Variants in ARMH1 observed in about 807,000 individuals in gnomAD.
ARMH1 encodes armadillo like helical domain containing 1.
In ARMH1, 34 loss-of-function variants were observed where a neutral mutation model predicts 50.2. That is an observed-to-expected ratio of 0.68 (90% CI 0.51 to 0.90). ARMH1 has a LOEUF of 0.90. Among genes scored for constraint, ARMH1 ranks in the 40% least tolerant of loss-of-function variants. ARMH1 has a pLI of 0.00. For synonymous variants in ARMH1, 221 were observed against 224.2 expected, an observed-to-expected ratio of 0.99 and a Z score of 0.13; for missense variants, 538 against 553.9, an observed-to-expected ratio of 0.97 and a Z score of 0.29.
chr1:44,699,283 CAAAAAAA>C (rs75158327), intron 4 of ARMH1, among the ~76,000 whole-genome samples: 1 of 42,576 alleles, frequency 2.3e-5, no homozygotes, highest in South Asian at 8.6e-4. Context: ...GACTCCGTCT[CAAAAAAA>C]AAAAAAAAAA....
At position 44,725,480 on chromosome 1, in the gene ARMH1, G is replaced by A. The variant is rs1648160650; in HGVS notation, c.*77G>A. ...GCAAGAGGAAGGCGCCTGGGGTCAA[G>A]CTCAGAGCCACTCCACTTGGCTCCA... On this transcript the variant is annotated 3_prime_UTR_variant, in exon 12 of 12. Coordinates refer to ENST00000535358, the MANE Select transcript of ARMH1 (RefSeq NM_001145636.2). 6 of 1,419,774 alleles carry A rather than the reference G, an allele frequency of 4.2e-6. No homozygotes were observed. The highest frequency in any genetic ancestry group is 1.4e-5 in the African/African-American group (1 of 70,184). The allele number at this position is 1,419,774 out of a possible 1,614,324, so 87.9% of individuals were successfully genotyped here. A position where few individuals can be genotyped will look rare whatever the true frequency, so the allele number is the denominator to read the frequency against.
At chr1:44,701,893 A>C (rs1646097798) in intron 5 of ARMH1, among the ~76,000 whole-genome samples, 1 of 150,958 alleles carries the variant, frequency 6.6e-6, no homozygotes. Flanking sequence ...ATGCCACTGT[A>C]CTCCCTGGGC....
chr1:44,712,765 G>A (rs1480224579), intron 6 of ARMH1, among the ~76,000 whole-genome samples: 1 of 150,382 alleles, frequency 6.6e-6, no homozygotes, highest in African/African-American at 2.4e-5. Flanking sequence ...CGAGGTTCAA[G>A]CGATTCTCCT....
At position 44,704,237 on chromosome 1, in the gene ARMH1, TTC is replaced by T. The variant is rs1646235075; in HGVS notation, c.724+68_724+69del. The T allele has an allele frequency of 5.3e-5, 65 of 1,236,424 alleles. No homozygotes were observed. The South Asian group carries it at 7.7e-4, about 15-fold the overall frequency. 76.6% of individuals were successfully genotyped at this position (1,236,424 alleles called of 1,614,324 possible). On this transcript the variant is annotated intron_variant, in intron 6 of 11. Transcript: ENST00000535358. Reference sequence around the variant, plus strand: ...CCAGACATATCAGCTCTCAAAAGCTTTCTCTTAGTCACAAAGAGCCTTGATGT... The same window carrying T: ...CCAGACATATCAGCTCTCAAAAGCTTTCTTAGTCACAAAGAGCCTTGATGT...
Position 44,725,332 on chromosome 1 carries a change from T to C in ARMH1, c.1252T>C (p.Tyr418His), listed in dbSNP as rs1258523367. Residue 418 changes from tyrosine to histidine, a missense_variant, in exon 12 of 12, where the codon TAT becomes CAT. Tyr to His is a moderately conservative substitution (Grantham distance 83). Transcript: ENST00000535358. ...HGSSYSMNTL[Y>H]GSRDSAQMAY... ...CAGCTCCTACAGCATGAACACTCTC[T>C]ATGGCTCGCGCGATTCGGCTCAGAT... The C allele has an allele frequency of 1.9e-6, 3 of 1,551,478 alleles. No individual in the cohort carries two copies. The highest frequency in any genetic ancestry group is 3.9e-5 in the Admixed American group (2 of 50,982).
chr1:44,681,168 G>A lies in ARMH1; in HGVS notation c.-23+6295G>A, dbSNP rs1310041454. Among the ~76,000 whole-genome samples the A allele has an allele frequency of 6.6e-6, 1 of 151,620 alleles. No homozygotes were observed. Among genetic ancestry groups the A allele is most frequent in the African/African-American group, 2.4e-5 (1 of 41,254 alleles). On this transcript the variant is annotated intron_variant, in intron 1 of 11. Transcript: ENST00000535358. The surrounding 1 kb of genome is among the most constrained non-coding windows in gnomAD (Gnocchi z 4.3). The stretch of plus-strand genomic sequence containing the variant: ...CACCACCATGCCCGGCTAACTTTTT[G>A]TATTTTTTAGTAGAGAGGGGGTTTC...
At chr1:44,719,516 G>A (rs1190832656) in intron 6 of ARMH1, among the ~76,000 whole-genome samples, 1 of 152,224 alleles carries the variant, frequency 6.6e-6, no homozygotes, top group African/African-American at 2.4e-5. Context: ...CAGGAGAGCT[G>A]AGCATGCAGC....
chr1:44,714,585 CAAA>C (rs547949743), intron 6 of ARMH1, among the ~76,000 whole-genome samples: 3 of 83,584 alleles, frequency 3.6e-5, no homozygotes, highest in Non-Finnish European at 2.7e-5. Context: ...AACTCCGTCT[CAAA>C]AAAAAAAAAA....
chr1:44,687,656 T>C (rs944789482), intron 1 of ARMH1, among the ~76,000 whole-genome samples: 4 of 151,876 alleles, frequency 2.6e-5, no homozygotes, highest in African/African-American at 7.3e-5. Flanking sequence ...CCCCCAAGAG[T>C]AGGAACTCCT....
At chr1:44,711,227 G>T (rs1202356362) in intron 6 of ARMH1, among the ~76,000 whole-genome samples, 1 of 152,128 alleles carries the variant, frequency 6.6e-6, no homozygotes, top group Non-Finnish European at 1.5e-5. Context: ...GGAATTGCTG[G>T]ATCATATGGT....
At chr1:44,690,021 C>T (rs1645607715) in intron 2 of ARMH1, 118 bp downstream of exon 2, 1 of 823,078 alleles carries the variant, frequency 1.2e-6, no homozygotes, top group Non-Finnish European at 1.9e-6. Flanking sequence ...AGTTCGAGAC[C>T]AGCCTAACCA....
chr1:44,686,433 T>C (rs1048822256), intron 1 of ARMH1, among the ~76,000 whole-genome samples: 3 of 152,184 alleles, frequency 2.0e-5, no homozygotes, highest in African/African-American at 7.2e-5. Flanking sequence ...CCCAGCACTT[T>C]GGGAGGCTGA....
intron 1 of ARMH1, among the ~76,000 whole-genome samples, chr1:44,687,727 C>T (rs146262325): frequency 2.6e-5 from 4 of 152,304 alleles, no homozygotes; most frequent in Non-Finnish European, 5.9e-5. Context: ...TACAGAGCCA[C>T]AGGATGGGCC....
In ARMH1 at chr1:44,724,650, G is replaced by A. The variant is rs1647981194; in HGVS notation, c.1032G>A (p.Leu344=). The A allele has an allele frequency of 1.3e-6, 2 of 1,501,350 alleles. No homozygotes were observed. Among genetic ancestry groups the A allele is most frequent in the African/African-American group, 1.5e-5 (1 of 68,698 alleles). 93.0% of individuals were successfully genotyped at this position (1,501,350 alleles called of 1,614,324 possible). ...GNTDHSNSQR[L]ASLTLECFVQ... The stretch of plus-strand genomic sequence containing the variant: ...CGGACCACAGCAACAGCCAGCGGCT[G>A]GCCAGCCTCACGCTGGAGGTGCGCG... Residue 344 remains leucine (L), a synonymous_variant, in exon 9 of 12, where the codon CTG becomes CTA. Transcript: ENST00000535358. The surrounding 1 kb of genome is among the most constrained non-coding windows in gnomAD (Gnocchi z 6.4).
chr1:44,713,715 G>T (rs1290523548), intron 6 of ARMH1, among the ~76,000 whole-genome samples: 1 of 152,080 alleles, frequency 6.6e-6, no homozygotes, highest in African/African-American at 2.4e-5. Flanking sequence ...TCTGCATCCT[G>T]CCCTTGCCTT....
rs1276428213 is a variant in ARMH1 at position 44,725,043 on chromosome 1, C to T, written c.1129-93C>T. The T allele has an allele frequency of 1.0e-5, 16 of 1,533,280 alleles. No homozygotes were observed. In the East Asian group the frequency reaches 2.9e-4, roughly 28 times the overall value. The allele number at this position is 1,533,280 out of a possible 1,614,324, so 95.0% of individuals were successfully genotyped here. ...TGCCCTTTCGGTCAGGCTGCCGACC[C>T]GCCCCCCACCTGCAACATCCCTCTG... On this transcript the variant is annotated intron_variant, in intron 10 of 11. Transcript: ENST00000535358.
At chr1:44,721,888 G>C (rs78999896) in intron 6 of ARMH1, 13 of 152,186 alleles carry the variant, frequency 8.5e-5, no homozygotes, top group African/African-American at 2.4e-4. Flanking sequence ...TCGTTATGAA[G>C]AGAAACCAGA....
chr1:44,721,748 AC>A (rs1225533508), intron 6 of ARMH1: 1 of 151,862 alleles, frequency 6.6e-6, no homozygotes, highest in Non-Finnish European at 1.5e-5. Flanking sequence ...AGCATGAAAC[AC>A]CCCACCCACA....
intron 6 of ARMH1, among the ~76,000 whole-genome samples, chr1:44,713,336 C>A (rs1291566681): frequency 6.6e-6 from 1 of 151,718 alleles, no homozygotes; most frequent in South Asian, 2.1e-4. Flanking sequence ...TGGGCTCAAG[C>A]GATCCACCTG....
Sources: gnomAD v4.1 joint callset for allele counts (sites outside exome capture counted in the v4.1 genomes callset) on GRCh38, gnomAD v4.1.1 for gene constraint, Gnocchi (gnomAD v3.1) non-coding constraint, MANE v1.5 for transcripts, NCBI Gene and HGNC (gene_info 2026-07-23, HGNC 2026-07-21) for gene names.